The following WDFY3 variants were observed in gnomAD, a reference collection of about 807,000 sequenced individuals.
The protein encoded by WDFY3 is WD repeat and FYVE domain-containing protein 3.
In WDFY3, 66 loss-of-function variants were observed where a neutral mutation model predicts 409.6. The observed-to-expected ratio is 0.16, with a 90% CI of 0.13 to 0.20. The LOEUF (loss-of-function observed/expected upper bound fraction) is 0.20. Among genes scored for constraint, WDFY3 ranks in the 10% least tolerant of loss-of-function variants. The pLI is 1.00. For synonymous variants in WDFY3, 1,521 were observed against 1,537.1 expected, an observed-to-expected ratio of 0.99 and a Z score of 0.25; for missense variants, 3,031 against 4,298.1, an observed-to-expected ratio of 0.71 and a Z score of 8.24.
At chr4:84,788,371 G>A (rs190644827) in intron 22 of WDFY3, among the ~76,000 whole-genome samples, 52 of 152,244 alleles carry the variant, frequency 3.4e-4, no homozygotes, top group African/African-American at 1.2e-3. Flanking sequence ...AGCTAGAGTT[G>A]ATTTCACAGT....
chr4:84,678,810 G>C, intron 65 of WDFY3, 109 bp downstream of exon 65: 1 of 1,225,390 alleles, frequency 8.2e-7, no homozygotes. Flanking sequence ...CCCAGCTCAC[G>C]GGGCACATCC....
intron 1 of WDFY3, among the ~76,000 whole-genome samples, chr4:84,940,761 T>C (rs943973492): frequency 1.3e-5 from 2 of 152,044 alleles, no homozygotes; most frequent in Admixed American, 6.6e-5. Flanking sequence ...TGAACATAAA[T>C]GCAAAAACTT....
At chr4:84,707,863 C>G (rs1052837613) in intron 53 of WDFY3, among the ~76,000 whole-genome samples, 1 of 152,142 alleles carries the variant, frequency 6.6e-6, no homozygotes, top group African/African-American at 2.4e-5. Flanking sequence ...AACGTACACC[C>G]ATGCATATAG....
At chr4:84,855,336 C>A (rs1427191792) in intron 4 of WDFY3, among the ~76,000 whole-genome samples, 1 of 152,128 alleles carries the variant, frequency 6.6e-6, no homozygotes, top group Non-Finnish European at 1.5e-5. Context: ...TGTGCATGAA[C>A]CCTATCACTA....
At chr4:84,696,974 A>T in intron 56 of WDFY3, 151 bp from the exon 57 acceptor site, 2 of 639,620 alleles carry the variant, frequency 3.1e-6, no homozygotes, top group Non-Finnish European at 5.3e-6. Context: ...TATCAACTCT[A>T]GCATCCCTCA....
At position 84,778,720 on chromosome 4, in the gene WDFY3, A is replaced by C. The variant is rs187884378; in HGVS notation, c.4366-65T>G. The C allele has an allele frequency of 9.5e-4, 1,428 of 1,498,186 alleles. 13 individuals carry two copies. The African/African-American group carries it at 0.017, about 18-fold the overall frequency. The allele number at this position is 1,498,186 out of a possible 1,614,324, so 92.8% of individuals were successfully genotyped here. A position where few individuals can be genotyped will look rare whatever the true frequency, so the allele number is the denominator to read the frequency against. On this transcript the variant is annotated intron_variant, in intron 26 of 67. Transcript: ENST00000295888. ...CATATATATTCATTACACACACACA[A>C]ACACACACATACACACACAAACACA...
Position 84,715,380 on chromosome 4 carries a change from T to G in WDFY3, c.7879A>C (p.Ile2627Leu), listed in dbSNP as rs1346487729. ...TCTCCAGAGAAAACTTCCACAGCAATAGGCTGAAATGATCAGAGAGAAAAA... is the reference window on the plus strand; with the variant it reads ...TCTCCAGAGAAAACTTCCACAGCAAGAGGCTGAAATGATCAGAGAGAAAAA... ...VHKRRYLLQP[I>L]AVEVFSGDGR... The change falls in exon 50 of 68, where the codon ATT (isoleucine) becomes CTT (leucine). Residue 2627 changes from isoleucine to leucine, a missense_variant. By Grantham distance (5) the Ile-to-Leu change is conservative. This residue lies in a region of WDFY3 where 45 missense variants were observed against 121.8 expected (regional missense o/e 0.37). Transcript: ENST00000295888. 1 of 1,563,082 alleles carries G rather than the reference T, an allele frequency of 6.4e-7. No individual in the cohort carries two copies. Among genetic ancestry groups the G allele is most frequent in the African/African-American group, 1.4e-5 (1 of 73,570 alleles).
intron 45 of WDFY3, 23 bp downstream of exon 45, chr4:84,726,837 CT>C: frequency 6.3e-7 from 1 of 1,588,844 alleles, no homozygotes; most frequent in Non-Finnish European, 8.5e-7. Context: ...AGTTTACATT[CT>C]TTTACTGTAA....
intron 51 of WDFY3, among the ~76,000 whole-genome samples, chr4:84,709,868 A>C (rs1405863675): frequency 6.6e-6 from 1 of 152,116 alleles, no homozygotes; most frequent in Non-Finnish European, 1.5e-5. Flanking sequence ...CTGGGATTAC[A>C]TGCACTCGCC....
rs532377063 is a variant in WDFY3 at position 84,794,917 on chromosome 4, C to T, written c.3230G>A (p.Gly1077Asp). 3 of 1,580,860 alleles carry T rather than the reference C, an allele frequency of 1.9e-6. No individual in the cohort carries two copies. The highest frequency in any genetic ancestry group is 1.7e-6 in the Non-Finnish European group (2 of 1,168,372). The change falls in exon 20 of 68, where the codon GGT (glycine) becomes GAT (aspartate). Residue 1077 changes from glycine to aspartate, a missense_variant. By Grantham distance (94) the Gly-to-Asp change is moderately conservative. Around this residue, in one of 16 missense-constraint regions of WDFY3, gnomAD observed 1,322 missense variants for 1,697.9 expected, o/e 0.78. Coordinates refer to ENST00000295888, the MANE Select transcript of WDFY3 (RefSeq NM_014991.6). Reference protein sequence around the residue: ...NAPTNNTVTTGLIDGAVVSGI... With the variant: ...NAPTNNTVTTDLIDGAVVSGI... ...ACTGACCACAGCCCCATCAATAAGA[C>T]CTGTTGTGACGGTATTATTTGTAGG...
chr4:84,887,189 T>C (rs2150466428), intron 3 of WDFY3, among the ~76,000 whole-genome samples: 1 of 152,220 alleles, frequency 6.6e-6, no homozygotes, highest in Non-Finnish European at 1.5e-5. Flanking sequence ...TGATAAAGGC[T>C]ATGCATGTTA....
intron 2 of WDFY3, among the ~76,000 whole-genome samples, chr4:84,906,919 C>T (rs1386062010): frequency 2.6e-5 from 4 of 151,978 alleles, no homozygotes; most frequent in Non-Finnish European, 5.9e-5. Flanking sequence ...ACTTATAATA[C>T]CTAACACAAT....
intron 7 of WDFY3, among the ~76,000 whole-genome samples, chr4:84,832,470 T>G (rs1755881621): frequency 6.6e-6 from 1 of 152,118 alleles, no homozygotes; most frequent in South Asian, 2.1e-4. Context: ...TTTAAATAGG[T>G]AGAAGAATGA....
chr4:84,947,514 AAAT>A (rs200130662), intron 1 of WDFY3, among the ~76,000 whole-genome samples: 24,475 of 140,402 alleles, frequency 0.17, 4,701 homozygotes, highest in African/African-American at 0.48. Context: ...TCCGTCTCAA[AAAT>A]AATAATAATA....
intron 3 of WDFY3, among the ~76,000 whole-genome samples, chr4:84,860,917 C>A (rs1760522066): frequency 6.6e-6 from 1 of 151,932 alleles, no homozygotes; most frequent in Non-Finnish European, 1.5e-5. Context: ...ATATCAAGTT[C>A]AAAAATAAAG....
intron 13 of WDFY3, among the ~76,000 whole-genome samples, chr4:84,813,948 TCATTATACAC>T: frequency 6.6e-6 from 1 of 152,298 alleles, no homozygotes; most frequent in Middle Eastern, 3.4e-3. Flanking sequence ...TTCAAAATTG[TCATTATACAC>T]CATCAAAACA....
Position 84,751,474 on chromosome 4 carries a change from T to C in WDFY3, c.5973+9A>G, listed in dbSNP as rs1740507367. The C allele has an allele frequency of 1.9e-6, 3 of 1,613,524 alleles. No homozygotes were observed. The highest frequency in any genetic ancestry group is 1.7e-5 in the Admixed American group (1 of 59,980). On this transcript the variant is annotated intron_variant, in intron 36 of 67. Transcript: ENST00000295888. The stretch of plus-strand genomic sequence containing the variant: ...CAAAAGAGATGTAAATGCGTTTCTT[T>C]TTCTTTACCTCCAACAAAAGATCAA...
At chr4:84,735,380 G>T (rs1415829019) in intron 42 of WDFY3, among the ~76,000 whole-genome samples, 1 of 152,164 alleles carries the variant, frequency 6.6e-6, no homozygotes, top group Non-Finnish European at 1.5e-5. Flanking sequence ...CTCAGGGATG[G>T]CCTTAGCTGC....
intron 1 of WDFY3, among the ~76,000 whole-genome samples, chr4:84,945,743 G>A (rs1192909444): frequency 6.6e-6 from 1 of 152,160 alleles, no homozygotes; most frequent in Admixed American, 6.5e-5. Context: ...CGTGGTGATG[G>A]TGGAGGTGGT....
Sources: gnomAD v4.1 joint callset for allele counts (sites outside exome capture counted in the v4.1 genomes callset) on GRCh38, gnomAD v4.1.1 for gene constraint, gnomAD v4.1.1 regional missense constraint, MANE v1.5 for transcripts, NCBI Gene and HGNC (gene_info 2026-07-23, HGNC 2026-07-21) for gene names.